Variants in PCSK5 observed in about 807,000 individuals in gnomAD.
The protein encoded by PCSK5 is proprotein convertase subtilisin/kexin type 5.
A neutral mutation model predicts 233.2 loss-of-function variants in PCSK5; 129 were observed. The observed-to-expected ratio is 0.55, with a 90% CI of 0.48 to 0.64. The LOEUF is 0.64. Among genes scored for constraint, PCSK5 ranks in the 30% least tolerant of loss-of-function variants. PCSK5 has a pLI of 0.00. For synonymous variants in PCSK5, 825 were observed against 879.2 expected (o/e 0.94, Z 1.09); for missense variants, 2,076 against 2,430.1 (o/e 0.85, Z 3.06).
At chr9:76,109,375 A>G (rs1247662292) in intron 9 of PCSK5, among the ~76,000 whole-genome samples, 1 of 151,724 alleles carries the variant, frequency 6.6e-6, no homozygotes, top group African/African-American at 2.4e-5. Flanking sequence ...TACTATAACT[A>G]TTGCTTCGTA....
At chr9:75,993,077 T>C (rs1385244564) in intron 3 of PCSK5, among the ~76,000 whole-genome samples, 4 of 152,228 alleles carry the variant, frequency 2.6e-5, no homozygotes, top group Non-Finnish European at 5.9e-5. Context: ...TGATTTATAC[T>C]GTCATTTGAC....
At chr9:76,321,202 T>C (rs1829190406) in intron 30 of PCSK5, among the ~76,000 whole-genome samples, 1 of 152,180 alleles carries the variant, frequency 6.6e-6, no homozygotes, top group South Asian at 2.1e-4. Context: ...TTAGTAATAC[T>C]GGGGTCCCAA....
chr9:76,268,493 G>C (rs990620623), intron 24 of PCSK5, among the ~76,000 whole-genome samples: 1 of 151,304 alleles, frequency 6.6e-6, no homozygotes, highest in Non-Finnish European at 1.5e-5. Context: ...TCATTACCTG[G>C]TGTGTACCCC....
intron 3 of PCSK5, among the ~76,000 whole-genome samples, chr9:76,003,509 A>G (rs1827347497): frequency 6.6e-6 from 1 of 152,242 alleles, no homozygotes; most frequent in African/African-American, 2.4e-5. Context: ...ACCTGGATTT[A>G]CCAAAAAGTT....
chr9:76,057,170 A>G (rs186976442), intron 5 of PCSK5, among the ~76,000 whole-genome samples: 2 of 152,176 alleles, frequency 1.3e-5, no homozygotes, highest in Non-Finnish European at 2.9e-5. Flanking sequence ...CATCTGAAAC[A>G]TAGACTTTTC....
chr9:76,351,637 AAAG>A (rs1168650859), intron 36 of PCSK5, among the ~76,000 whole-genome samples: 1 of 139,548 alleles, frequency 7.2e-6, no homozygotes, highest in Non-Finnish European at 1.6e-5. Flanking sequence ...AAAGAGAGAG[AAAG>A]AAGAAAGAAA....
At chr9:76,006,920 G>T (rs1827502925) in intron 3 of PCSK5, among the ~76,000 whole-genome samples, 1 of 152,114 alleles carries the variant, frequency 6.6e-6, no homozygotes, top group African/African-American at 2.4e-5. Context: ...TTTTCTTGAA[G>T]TGTAATGTTA....
chr9:76,338,293 G>T lies in PCSK5; in HGVS notation c.4812G>T (p.Gln1604His). ...ERCNRSCKGC[Q>H]GPRPTDCLSC... Reference sequence around the variant, plus strand: ...GCAACAGGAGCTGCAAGGGGTGCCAGGGCCCACGGCCCACAGACTGCCTGT... The same window carrying T: ...GCAACAGGAGCTGCAAGGGGTGCCATGGCCCACGGCCCACAGACTGCCTGT... Residue 1604 changes from glutamine (Q) to histidine (H), a missense_variant, in exon 35 of 38, where the codon CAG (glutamine) becomes CAT (histidine). Coordinates refer to ENST00000674117, the MANE Select transcript of PCSK5 (RefSeq NM_001372043.1). The T allele has an allele frequency of 6.2e-7, 1 of 1,612,692 alleles. No homozygotes were observed.
At chr9:76,265,940 G>C (rs4085115) in intron 24 of PCSK5, among the ~76,000 whole-genome samples, 7,410 of 152,184 alleles carry the variant, frequency 0.049, 476 homozygotes, top group African/African-American at 0.15. Flanking sequence ...TTGCAATCCT[G>C]TAAAGAGAAG....
At chr9:76,197,845 C>T (rs1361128746) in intron 20 of PCSK5, among the ~76,000 whole-genome samples, 1 of 152,192 alleles carries the variant, frequency 6.6e-6, no homozygotes, top group African/African-American at 2.4e-5. Context: ...GTGAACATCC[C>T]TTTCTAAATG....
At chr9:76,204,089 A>G (rs548374863) in intron 20 of PCSK5, among the ~76,000 whole-genome samples, 96 of 152,190 alleles carry the variant, frequency 6.3e-4, no homozygotes, top group Non-Finnish European at 1.2e-3. Context: ...TATTACTTAA[A>G]CCAGAATTTT....
chr9:76,247,819 C>T lies in PCSK5; in HGVS notation c.3142+7135C>T, dbSNP rs180875152. ...TTTTTTTTTGAGACAGAGTCTCGCCCTGTTGCCCAGGCTGGAGTGCAACGG... is the reference window on the plus strand; with the variant it reads ...TTTTTTTTTGAGACAGAGTCTCGCCTTGTTGCCCAGGCTGGAGTGCAACGG... On this transcript the variant is annotated intron_variant, in intron 24 of 37. Coordinates refer to ENST00000674117, the MANE Select transcript of PCSK5 (RefSeq NM_001372043.1). 1.8e-3 allele frequency among the ~76,000 whole-genome samples: 276 copies of T among 152,114 alleles called. 1 individual carries two copies. Among genetic ancestry groups the T allele is most frequent in the African/African-American group, 6.0e-3 (250 of 41,488 alleles).
intron 24 of PCSK5, among the ~76,000 whole-genome samples, chr9:76,273,305 A>G (rs1158711372): frequency 6.6e-6 from 1 of 152,054 alleles, no homozygotes; most frequent in Non-Finnish European, 1.5e-5. Flanking sequence ...TCCTCTTAGC[A>G]ATACTGAAAA....
chr9:76,184,638 C>T (rs765071001), intron 16 of PCSK5, 35 bp from the exon 17 acceptor site: 3 of 1,391,338 alleles, frequency 2.2e-6, no homozygotes, highest in Admixed American at 1.7e-5. Context: ...ATCCAATTGA[C>T]CAACTGATTT....
intron 25 of PCSK5, among the ~76,000 whole-genome samples, chr9:76,292,677 A>C (rs1044912930): frequency 1.3e-5 from 2 of 152,168 alleles, no homozygotes; most frequent in Non-Finnish European, 2.9e-5. Flanking sequence ...ATCAGCTCTT[A>C]GTCATCCCCT....
rs573994223 is a variant in PCSK5 at position 76,110,857 on chromosome 9, C to A, written c.1208+3506C>A. Among the ~76,000 whole-genome samples the A allele has an allele frequency of 7.9e-5, 12 of 152,292 alleles. No individual in the cohort carries two copies. The East Asian group carries it at 2.3e-3, about 29-fold the overall frequency. On this transcript the variant is annotated intron_variant, in intron 9 of 37. Transcript: ENST00000674117. ...GGAACAGTGGCTCACGCCTATAATC[C>A]CAGCACTTTGGGAGACTGAGGCAGG...
At chr9:75,967,654 C>T (rs1300653037) in intron 2 of PCSK5, among the ~76,000 whole-genome samples, 1 of 152,208 alleles carries the variant, frequency 6.6e-6, no homozygotes, top group East Asian at 1.9e-4. Flanking sequence ...CCTGATAGAA[C>T]ATTTTAGAAC....
chr9:76,067,874 A>G (rs1185383753), intron 5 of PCSK5, 81 bp from the exon 6 acceptor site: 2 of 1,100,924 alleles, frequency 1.8e-6, no homozygotes, highest in Non-Finnish European at 2.8e-6. Context: ...ATTCTTCACC[A>G]CTCTGAGTGG....
Position 76,227,598 on chromosome 9 carries a change from A to G in PCSK5, c.2722A>G (p.Met908Val), listed in dbSNP as rs1353364628. Reference sequence around the variant, plus strand: ...CCAGGAAGACTGCACTACCTGCCCCATGACAAGGTAAGTGGCTTCTCAGGA... The same window carrying G: ...CCAGGAAGACTGCACTACCTGCCCCGTGACAAGGTAAGTGGCTTCTCAGGA... ...PTQEDCTTCPMTRIFDDGRCV... is the reference protein window; with the variant it reads ...PTQEDCTTCPVTRIFDDGRCV... The change falls in exon 21 of 38, where the codon ATG (methionine) becomes GTG (valine). Residue 908 changes from methionine (M) to valine (V), a missense_variant. Around this residue, in one of 6 missense-constraint regions of PCSK5, gnomAD observed 1,510 missense variants for 1,538.1 expected, o/e 0.98. Coordinates refer to ENST00000674117, the MANE Select transcript of PCSK5 (RefSeq NM_001372043.1). 1.9e-6 allele frequency: 3 copies of G among 1,606,070 alleles called. No homozygotes were observed. The highest frequency in any genetic ancestry group is 2.2e-5 in the East Asian group (1 of 44,720).
Sources: allele counts gnomAD v4.1 joint callset (sites outside exome capture counted in the v4.1 genomes callset), GRCh38; gene constraint gnomAD v4.1.1; regional missense constraint gnomAD v4.1.1; transcripts MANE v1.5; gene names NCBI Gene and HGNC (gene_info 2026-07-23, HGNC 2026-07-21).